Variants in RAB3IP observed in about 807,000 individuals in gnomAD.
RAB3IP encodes rab-3A-interacting protein.
RAB3IP carries 36 observed loss-of-function variants against 59.1 expected under a neutral mutation model. That is an observed-to-expected ratio of 0.61 (90% CI 0.47 to 0.80). The LOEUF is 0.80. Among genes scored for constraint, RAB3IP ranks in the 30% least tolerant of loss-of-function variants. The probability of loss-of-function intolerance (pLI) is 0.00; values close to 1 mark genes in which losing one functional copy is unlikely to be tolerated. For missense variants in RAB3IP, 511 were observed against 536.0 expected (o/e 0.95, Z 0.46); for synonymous variants, 207 against 191.2 (o/e 1.08, Z -0.68).
chr12:69,801,078 G>C (rs777999957), intron 7 of RAB3IP, among the ~76,000 whole-genome samples: 2 of 152,170 alleles, frequency 1.3e-5, no homozygotes, highest in Non-Finnish European at 2.9e-5. Context: ...AACCTTGCCA[G>C]ACTAAAGAGG....
At chr12:69,799,050 A>G (rs1048878757) in intron 6 of RAB3IP, among the ~76,000 whole-genome samples, 19 of 152,186 alleles carry the variant, frequency 1.2e-4, no homozygotes, top group African/African-American at 4.1e-4. Context: ...AAATGTAAGT[A>G]TTGCTTATAT....
intron 8 of RAB3IP, among the ~76,000 whole-genome samples, chr12:69,805,874 T>C (rs972150614): frequency 1.3e-5 from 2 of 152,200 alleles, no homozygotes; most frequent in African/African-American, 4.8e-5. Flanking sequence ...ATAAGCTTTT[T>C]GATGTGTTGC....
At position 69,795,154 on chromosome 12, in the gene RAB3IP, A is replaced by C; in HGVS notation, c.698A>C (p.Gln233Pro). 6.2e-7 allele frequency: 1 copy of C among 1,613,318 alleles called. No homozygotes were observed. The highest frequency in any genetic ancestry group is 8.5e-7 in the Non-Finnish European group (1 of 1,179,426). The change falls in exon 6 of 11, where the codon CAA (glutamine) becomes CCA (proline). Residue 233 changes from glutamine (Q) to proline (P), a missense_variant. Coordinates refer to ENST00000247833, the MANE Select transcript of RAB3IP (RefSeq NM_022456.5). ...KEAQGKIDVL[Q>P]AEVAALKTLV... is the part of the protein sequence containing the mutation. ...TTTCTTTCCAAGATTGATGTACTTCAAGCTGAAGTAGCTGCATTGAAGACA... is the reference window on the plus strand; with the variant it reads ...TTTCTTTCCAAGATTGATGTACTTCCAGCTGAAGTAGCTGCATTGAAGACA...
intron 3 of RAB3IP, among the ~76,000 whole-genome samples, chr12:69,765,456 A>G (rs934328657): frequency 6.6e-6 from 1 of 152,162 alleles, no homozygotes; most frequent in Admixed American, 6.5e-5. Flanking sequence ...ACTTGTGTAT[A>G]TTGAACCAGT....
rs186889841 is a variant in RAB3IP, at chr12:69,759,921, C to T, written c.510+3258C>T. Among the ~76,000 whole-genome samples, 1,166 of 151,498 alleles carry T rather than the reference C, an allele frequency of 7.7e-3. 17 individuals carry two copies. The highest frequency in any genetic ancestry group is 0.04 in the South Asian group (194 of 4,808). On this transcript the variant is annotated intron_variant, in intron 3 of 10. Transcript: ENST00000247833. ...GGTCGCGGCTGGACAGAGGCGCTCC[C>T]CACATCTCAGACGATGGGTGGCCGG... is the stretch of plus-strand genomic sequence containing the variant.
chr12:69,748,516 A>T (rs1868711095), intron 1 of RAB3IP, among the ~76,000 whole-genome samples: 1 of 152,214 alleles, frequency 6.6e-6, no homozygotes, highest in Non-Finnish European at 1.5e-5. Flanking sequence ...AAGAAAAATT[A>T]ACAGGAAATG....
intron 4 of RAB3IP, among the ~76,000 whole-genome samples, chr12:69,792,108 G>A (rs1169987151): frequency 6.6e-6 from 1 of 152,076 alleles, no homozygotes; most frequent in East Asian, 1.9e-4. Context: ...TAAAATAGTC[G>A]AGCTCATAGA....
chr12:69,795,602 G>A, intron 6 of RAB3IP: 1 of 574,226 alleles, frequency 1.7e-6, no homozygotes, highest in South Asian at 2.4e-5. Context: ...AAACTGTCAT[G>A]TGTTGTCTAG....
rs750730724 is a variant in RAB3IP, at chr12:69,795,243, T to C, written c.787T>C (p.Phe263Leu). The change falls in exon 6 of 11, where the codon TTT becomes CTT. Residue 263 changes from phenylalanine (F) to leucine (L), a missense_variant. By Grantham distance (22) the Phe-to-Leu change is conservative. Coordinates refer to ENST00000247833, the MANE Select transcript of RAB3IP (RefSeq NM_022456.5). ...QEPLPGGKTP[F>L]KKGHTRNKST... The stretch of plus-strand genomic sequence containing the variant: ...GCCTTTGCCAGGTGGAAAGACACCT[T>C]TTAAAAAGGGGCATACAAGAAATAA... 1.2e-6 allele frequency: 2 copies of C among 1,614,016 alleles called. No homozygotes were observed. The highest frequency in any genetic ancestry group is 8.5e-7 in the Non-Finnish European group (1 of 1,179,958).
rs1246254924 is a variant in RAB3IP at position 69,819,863 on chromosome 12, C to G, written c.*4417C>G. 1 of 152,164 alleles carries G rather than the reference C, an allele frequency of 6.6e-6. No homozygotes were observed. Among genetic ancestry groups the G allele is most frequent in the Non-Finnish European group, 1.5e-5 (1 of 68,058 alleles). 9.4% of individuals were successfully genotyped at this position (152,164 alleles called of 1,614,324 possible). ...ACTGGGAAGGTTAGTTAGGTGGCCA[C>G]TCCTCTCTCTTCATGGTCTCTCTCA... On this transcript the variant is annotated 3_prime_UTR_variant, in exon 11 of 11. Coordinates refer to ENST00000247833, the MANE Select transcript of RAB3IP (RefSeq NM_022456.5).
chr12:69,806,126 T>C (rs1473279363), intron 8 of RAB3IP, among the ~76,000 whole-genome samples: 1 of 152,208 alleles, frequency 6.6e-6, no homozygotes, highest in Admixed American at 6.5e-5. Flanking sequence ...CCATCTGGTC[T>C]GGACTTTTTT....
intron 4 of RAB3IP, 102 bp downstream of exon 4, chr12:69,784,917 G>A (rs1875377036): frequency 3.2e-6 from 2 of 632,856 alleles, no homozygotes; most frequent in East Asian, 3.1e-5. Context: ...TTAGCTTCAT[G>A]TATATTTATA....
intron 1 of RAB3IP, among the ~76,000 whole-genome samples, chr12:69,749,114 G>A (rs1372934595): frequency 6.6e-6 from 1 of 152,202 alleles, no homozygotes; most frequent in East Asian, 1.9e-4. Context: ...GTGGTCTGTG[G>A]CCTGTTAAGA....
intron 1 of RAB3IP, among the ~76,000 whole-genome samples, chr12:69,754,600 T>C (rs899118267): frequency 1.3e-5 from 2 of 152,170 alleles, no homozygotes; most frequent in Non-Finnish European, 2.9e-5. Context: ...TGACGATATA[T>C]TGTAAATTCT....
At chr12:69,810,335 C>T (rs1880232777) in intron 8 of RAB3IP, among the ~76,000 whole-genome samples, 1 of 152,168 alleles carries the variant, frequency 6.6e-6, no homozygotes, top group Non-Finnish European at 1.5e-5. Context: ...AGTTAGGCTA[C>T]TCGGGGGTCA....
intron 3 of RAB3IP, among the ~76,000 whole-genome samples, chr12:69,779,982 G>A (rs1404008393): frequency 6.6e-6 from 1 of 152,164 alleles, no homozygotes; most frequent in Non-Finnish European, 1.5e-5. Flanking sequence ...CCATCCTTCA[G>A]TGGGCCTATC....
intron 6 of RAB3IP, among the ~76,000 whole-genome samples, chr12:69,798,076 C>T (rs1565916924): frequency 6.6e-6 from 1 of 152,158 alleles, no homozygotes; most frequent in Non-Finnish European, 1.5e-5. Flanking sequence ...ATTTCTAGTT[C>T]TAGGTCCCTG....
chr12:69,761,315 A>G (rs905417395), intron 3 of RAB3IP, among the ~76,000 whole-genome samples: 2 of 152,272 alleles, frequency 1.3e-5, no homozygotes, highest in South Asian at 2.1e-4. Flanking sequence ...TTTTGTTTCT[A>G]ATTATTTCAT....
At chr12:69,812,050 T>C (rs1018050893) in intron 8 of RAB3IP, 1 of 152,160 alleles carries the variant, frequency 6.6e-6, no homozygotes, top group Admixed American at 6.5e-5. Flanking sequence ...CATGGAGCCA[T>C]AGGGTAACAG....
Sources: allele counts gnomAD v4.1 joint callset (sites outside exome capture counted in the v4.1 genomes callset), GRCh38; gene constraint gnomAD v4.1.1; transcripts MANE v1.5; gene names NCBI Gene and HGNC (gene_info 2026-07-23, HGNC 2026-07-21).